The following CCDC146 variants were observed in gnomAD, a reference collection of about 807,000 sequenced individuals.
CCDC146 encodes coiled-coil domain containing 146.
In CCDC146, 92 loss-of-function variants were observed where a neutral mutation model predicts 119.3. The ratio of observed to expected loss-of-function variants is 0.77; its 90% CI spans 0.65 to 0.92. The LOEUF (loss-of-function observed/expected upper bound fraction) is 0.92, where lower values mean the gene tolerates loss of function less well. CCDC146 is among the 40% of genes least tolerant of loss of function. The pLI is 0.00. For synonymous variants in CCDC146, 372 were observed against 371.8 expected (o/e 1.00, Z -0.01); for missense variants, 1,000 against 1,103.0 (o/e 0.91, Z 1.32).
At chr7:77,292,353 C>T (rs1377447772) in intron 17 of CCDC146, among the ~76,000 whole-genome samples, 3 of 145,074 alleles carry the variant, frequency 2.1e-5, no homozygotes, top group Non-Finnish European at 4.5e-5. Context: ...CGGTGGCTCA[C>T]GCCTGTAATC....
intron 4 of CCDC146, chr7:77,242,523 G>A: frequency 3.2e-6 from 1 of 310,172 alleles, no homozygotes; most frequent in Non-Finnish European, 4.7e-6. Context: ...AAGGGGAAAT[G>A]TTATCTTCAA....
At chr7:77,141,441 G>A (rs1790931977) in intron 1 of CCDC146, among the ~76,000 whole-genome samples, 1 of 152,104 alleles carries the variant, frequency 6.6e-6, no homozygotes, top group Non-Finnish European at 1.5e-5. Context: ...CCCAGTAATG[G>A]GATTGCTGGG....
At chr7:77,277,093 AGAAG>A (rs927039332) in intron 11 of CCDC146, among the ~76,000 whole-genome samples, 27 of 152,034 alleles carry the variant, frequency 1.8e-4, no homozygotes, top group African/African-American at 2.7e-4. Flanking sequence ...ATAAAGAATA[AGAAG>A]GAAGGAAGGG....
intron 2 of CCDC146, among the ~76,000 whole-genome samples, chr7:77,236,265 T>C (rs1430138682): frequency 6.6e-6 from 1 of 152,138 alleles, no homozygotes; most frequent in African/African-American, 2.4e-5. Context: ...AATTATCACC[T>C]AACTCAGAAA....
chr7:77,231,832 T>C (rs1404141565), intron 2 of CCDC146, among the ~76,000 whole-genome samples: 5 of 149,554 alleles, frequency 3.3e-5, no homozygotes, highest in South Asian at 2.1e-4. Flanking sequence ...TTTTTTTTTT[T>C]CCTCTGCAGA....
chr7:77,148,095 A>G (rs577381934), intron 1 of CCDC146, among the ~76,000 whole-genome samples: 2 of 152,248 alleles, frequency 1.3e-5, no homozygotes, highest in South Asian at 4.1e-4. Flanking sequence ...TTACCTACTC[A>G]AGCCTCAGCA....
chr7:77,281,233 G>A (rs893523859), intron 14 of CCDC146, among the ~76,000 whole-genome samples: 3 of 152,112 alleles, frequency 2.0e-5, no homozygotes, highest in African/African-American at 4.8e-5. Context: ...GTGGTCATTC[G>A]GGTTGCCTCT....
intron 2 of CCDC146, among the ~76,000 whole-genome samples, chr7:77,225,289 G>A (rs1382738220): frequency 6.6e-6 from 1 of 152,170 alleles, no homozygotes; most frequent in Non-Finnish European, 1.5e-5. Flanking sequence ...GCTCACACCT[G>A]TAATCCCATC....
Position 77,262,301 on chromosome 7 carries a change from A to G in CCDC146, c.1167A>G (p.Leu389=), listed in dbSNP as rs746879016. The change falls in exon 9 of 19, where the codon CTA becomes CTG. Residue 389 remains leucine, a synonymous_variant. Transcript: ENST00000285871. ...RQTQALHQRL[L]LEMEAIPKDD... is the part of the protein sequence containing the mutation. Reference sequence around the variant, plus strand: ...CTCAAGCACTGCATCAAAGGCTTCTATTAGAGGTGAGGGCTGTAAACTACC... The same window carrying G: ...CTCAAGCACTGCATCAAAGGCTTCTGTTAGAGGTGAGGGCTGTAAACTACC... The G allele has an allele frequency of 6.9e-6, 11 of 1,593,000 alleles. No homozygotes were observed. The South Asian group carries it at 1.1e-4, about 17-fold the overall frequency.
At chr7:77,176,980 C>T (rs1051873319) in intron 2 of CCDC146, among the ~76,000 whole-genome samples, 2 of 151,902 alleles carry the variant, frequency 1.3e-5, no homozygotes, top group Admixed American at 1.3e-4. Context: ...GGACCACCGA[C>T]ACATAACACC....
chr7:77,199,764 G>C, intron 2 of CCDC146: 1 of 1,614,074 alleles, frequency 6.2e-7, no homozygotes, highest in Non-Finnish European at 8.5e-7. Flanking sequence ...GAACAGCTGA[G>C]CTCAGCCAGT....
intron 1 of CCDC146, among the ~76,000 whole-genome samples, chr7:77,150,919 CA>C (rs2117444921): frequency 6.6e-6 from 1 of 152,300 alleles, no homozygotes; most frequent in Admixed American, 6.5e-5. Flanking sequence ...AGATGAATCT[CA>C]AAAACCTTAC....
intron 1 of CCDC146, among the ~76,000 whole-genome samples, chr7:77,145,773 G>T (rs1408582885): frequency 6.6e-6 from 1 of 152,100 alleles, no homozygotes; most frequent in African/African-American, 2.4e-5. Context: ...TTGCACTGTG[G>T]TCTGAGAGAC....
intron 2 of CCDC146, among the ~76,000 whole-genome samples, chr7:77,223,714 A>G (rs917864181): frequency 6.6e-6 from 1 of 152,248 alleles, no homozygotes; most frequent in African/African-American, 2.4e-5. Context: ...TGGTTTTAAG[A>G]TAAGCTTAGA....
At chr7:77,255,539 C>T (rs2150507655) in intron 5 of CCDC146, 1 of 152,258 alleles carries the variant, frequency 6.6e-6, no homozygotes, top group South Asian at 2.1e-4. Flanking sequence ...ATTTACAATA[C>T]AGATTTTATG....
chr7:77,212,581 A>C (rs1792205821), intron 2 of CCDC146, among the ~76,000 whole-genome samples: 1 of 145,450 alleles, frequency 6.9e-6, no homozygotes, highest in Non-Finnish European at 1.5e-5. Flanking sequence ...AGATCACGCC[A>C]CTGCACTCCA....
At chr7:77,253,842 C>G (rs919656636) in intron 4 of CCDC146, among the ~76,000 whole-genome samples, 3 of 152,174 alleles carry the variant, frequency 2.0e-5, no homozygotes, top group African/African-American at 7.2e-5. Context: ...ATGCAAAGAT[C>G]TGTGGCGAGA....
intron 2 of CCDC146, among the ~76,000 whole-genome samples, chr7:77,226,152 G>A (rs1792509243): frequency 6.6e-6 from 1 of 152,226 alleles, no homozygotes; most frequent in Non-Finnish European, 1.5e-5. Flanking sequence ...AAGCAGTTTT[G>A]AGAGCTCAAT....
At chr7:77,284,803 T>A (rs1793820414) in intron 15 of CCDC146, among the ~76,000 whole-genome samples, 1 of 152,060 alleles carries the variant, frequency 6.6e-6, no homozygotes, top group Non-Finnish European at 1.5e-5. Flanking sequence ...CAGACTGTGT[T>A]ATCAGTTATC....
Sources: allele counts gnomAD v4.1 joint callset (sites outside exome capture counted in the v4.1 genomes callset), GRCh38; gene constraint gnomAD v4.1.1; transcripts MANE v1.5; gene names NCBI Gene and HGNC (gene_info 2026-07-23, HGNC 2026-07-21).